PADI4: variants seen among roughly 807,000 people sequenced by gnomAD.
PADI4 encodes protein-arginine deiminase type-4.
PADI4 carries 62 observed loss-of-function variants against 75.0 expected under a neutral mutation model. That is an observed-to-expected ratio of 0.83 (90% CI 0.67 to 1.02). The LOEUF (loss-of-function observed/expected upper bound fraction) is 1.02. Among genes scored for constraint, PADI4 ranks in the 50% least tolerant of loss-of-function variants. The pLI is 0.00. For missense variants in PADI4, 845 were observed against 850.5 expected (o/e 0.99, Z 0.08); for synonymous variants, 361 against 348.1 (o/e 1.04, Z -0.41).
intron 1 of PADI4, among the ~76,000 whole-genome samples, chr1:17,321,473 C>G (rs1309507394): frequency 1.3e-5 from 2 of 152,284 alleles, no homozygotes; most frequent in Non-Finnish European, 2.9e-5. Context: ...ACCCGCCTTA[C>G]AGGCTAGTGG....
At chr1:17,325,191 T>A (rs1051248753) in intron 1 of PADI4, among the ~76,000 whole-genome samples, 5 of 152,234 alleles carry the variant, frequency 3.3e-5, no homozygotes, top group African/African-American at 1.2e-4. Flanking sequence ...AGAGAATTCA[T>A]ACCTTTACGG....
At chr1:17,343,776 C>T (rs568721354) in intron 8 of PADI4, among the ~76,000 whole-genome samples, 2 of 152,294 alleles carry the variant, frequency 1.3e-5, no homozygotes, top group South Asian at 4.1e-4. Context: ...GTAAGAAGTG[C>T]CTTTTGCCTC....
At chr1:17,354,309 G>C (rs889018325) in intron 10 of PADI4, among the ~76,000 whole-genome samples, 1 of 152,146 alleles carries the variant, frequency 6.6e-6, no homozygotes, top group Non-Finnish European at 1.5e-5. Context: ...CAAGCAGCTG[G>C]CACGCTTTAG....
Position 17,356,990 on chromosome 1 carries a change from C to T in PADI4, c.1558+531C>T, listed in dbSNP as rs530537610. 2.0e-5 allele frequency among the ~76,000 whole-genome samples: 3 copies of T among 152,248 alleles called. No individual in the cohort carries two copies. The highest frequency in any genetic ancestry group is 7.2e-5 in the African/African-American group (3 of 41,542). On this transcript the variant is annotated intron_variant, in intron 13 of 15. Transcript: ENST00000375448. This position sits in a 1 kb window ranked among gnomAD's most constrained non-coding sequence, Gnocchi z 4.1. ...GAGATGCCTCTGTGGCTGAGAGCTC[C>T]ACCTCAGATCTGAGTATGTTGTGTG...
chr1:17,337,840 G>T (rs1274358842), intron 4 of PADI4, among the ~76,000 whole-genome samples, 198 bp from the exon 5 acceptor site: 2 of 152,114 alleles, frequency 1.3e-5, no homozygotes, highest in African/African-American at 4.8e-5. Context: ...ACTTCAACCT[G>T]GGGGGTGGAG....
At chr1:17,351,881 A>G (rs1352716957) in intron 10 of PADI4, among the ~76,000 whole-genome samples, 1 of 151,650 alleles carries the variant, frequency 6.6e-6, no homozygotes, top group Non-Finnish European at 1.5e-5. Flanking sequence ...AGGAGATAGG[A>G]GGTGGTAGAA....
intron 1 of PADI4, among the ~76,000 whole-genome samples, chr1:17,322,386 G>A (rs141613603): frequency 0.014 from 2,065 of 152,236 alleles, 54 homozygotes; most frequent in African/African-American, 0.047. Context: ...CTACTTGGGA[G>A]GCTGAGACAG....
chr1:17,363,063 C>T (rs12739518), intron 15 of PADI4, among the ~76,000 whole-genome samples: 34,076 of 152,020 alleles, frequency 0.22, 3,944 homozygotes, highest in East Asian at 0.31. Flanking sequence ...GTGATCCACT[C>T]GCCTAGGCCT....
intron 2 of PADI4, 59 bp from the exon 3 acceptor site, chr1:17,333,884 G>A: frequency 7.7e-7 from 1 of 1,303,498 alleles, no homozygotes; most frequent in Non-Finnish European, 1.1e-6. Flanking sequence ...ATAGGAGGGG[G>A]TCCAGTGGGT....
chr1:17,336,053 G>A (rs1005079600), intron 3 of PADI4, 106 bp from the exon 4 acceptor site: 8 of 737,496 alleles, frequency 1.1e-5, no homozygotes, highest in African/African-American at 1.7e-5. Flanking sequence ...CTCACACTAT[G>A]GGTGCACACA....
In PADI4 at chr1:17,356,230, A is replaced by G; in HGVS notation, c.1455+103A>G. ...ACTTGTCTATTTCTCCTTCACCCTTAGGATGGCAGTAGAGGAGGTGGCCAG... is the reference window on the plus strand; with the variant it reads ...ACTTGTCTATTTCTCCTTCACCCTTGGGATGGCAGTAGAGGAGGTGGCCAG... On this transcript the variant is annotated intron_variant, in intron 12 of 15. Transcript: ENST00000375448. The surrounding 1 kb of genome is among the most constrained non-coding windows in gnomAD (Gnocchi z 4.1). 1.4e-6 allele frequency: 2 copies of G among 1,391,214 alleles called. No individual in the cohort carries two copies. The highest frequency in any genetic ancestry group is 2.0e-6 in the Non-Finnish European group (2 of 1,007,044). The allele number at this position is 1,391,214 out of a possible 1,614,324, so 86.2% of individuals were successfully genotyped here.
intron 10 of PADI4, among the ~76,000 whole-genome samples, chr1:17,353,947 A>G (rs563959599): frequency 8.3e-4 from 126 of 152,242 alleles, no homozygotes; most frequent in African/African-American, 2.9e-3. Context: ...GAATTTTAAG[A>G]GAATAAATGT....
chr1:17,321,427 C>T (rs182467646), intron 1 of PADI4, among the ~76,000 whole-genome samples: 3 of 152,392 alleles, frequency 2.0e-5, no homozygotes, highest in East Asian at 3.9e-4. Flanking sequence ...CTTCACCTCT[C>T]TGTGCCTCAG....
At chr1:17,348,877 C>T (rs2100211729) in intron 10 of PADI4, 1 of 152,334 alleles carries the variant, frequency 6.6e-6, no homozygotes, top group Non-Finnish European at 1.5e-5. Flanking sequence ...CCCCTTGGCT[C>T]AAGGTGCCCA....
chr1:17,358,565 C>CA lies in PADI4; in HGVS notation c.1559-258dup, dbSNP rs1176609595. Among the ~76,000 whole-genome samples the CA allele has an allele frequency of 3.0e-3, 34 of 11,456 alleles. 9 individuals carry two copies. Among genetic ancestry groups the CA allele is most frequent in the South Asian group, 0.021 (10 of 480 alleles). The allele number at this position is 11,456 out of a possible 152,430, so 7.5% of individuals were successfully genotyped here. On this transcript the variant is annotated intron_variant, in intron 13 of 15. Transcript: ENST00000375448. ...CCTGGACGACAGCGAGACTCCGTCT[C>CA]AAAAAAAAAAAAAAATAATAATAAA...
intron 15 of PADI4, among the ~76,000 whole-genome samples, chr1:17,359,914 G>A (rs1048757024): frequency 1.3e-5 from 2 of 152,242 alleles, no homozygotes; most frequent in Non-Finnish European, 2.9e-5. Context: ...GTCTTGCAAG[G>A]AAGAGTGTAA....
At chr1:17,359,217 T>TTCCCCCCCCCC in intron 14 of PADI4, 63 bp from the exon 15 acceptor site, 5 of 647,816 alleles carry the variant, frequency 7.7e-6, no homozygotes, top group South Asian at 3.8e-5. Flanking sequence ...CCCCACACTG[T>TTCCCCCCCCCC]CCCCCACCCC....
At chr1:17,357,115 A>G (rs926864668) in intron 13 of PADI4, among the ~76,000 whole-genome samples, 10 of 152,224 alleles carry the variant, frequency 6.6e-5, no homozygotes, top group African/African-American at 2.4e-4. Flanking sequence ...TCCAGTGAAC[A>G]AGTTTCATGG....
intron 9 of PADI4, among the ~76,000 whole-genome samples, chr1:17,347,538 T>G (rs140006843): frequency 5.1e-4 from 77 of 152,200 alleles, no homozygotes; most frequent in African/African-American, 1.8e-3. Flanking sequence ...CTCTGGCCCA[T>G]CCTAGCTGCA....
Sources: gnomAD v4.1 joint callset for allele counts (sites outside exome capture counted in the v4.1 genomes callset) on GRCh38, gnomAD v4.1.1 for gene constraint, Gnocchi (gnomAD v3.1) non-coding constraint, MANE v1.5 for transcripts, NCBI Gene and HGNC (gene_info 2026-07-23, HGNC 2026-07-21) for gene names.